Variants in APOBEC3G observed in about 807,000 individuals in gnomAD.
APOBEC3G encodes the protein apolipoprotein B mRNA editing enzyme catalytic subunit 3G, also known as DNA dC->dU-editing enzyme APOBEC-3G.
APOBEC3G carries 44 observed loss-of-function variants against 50.0 expected under a neutral mutation model. That is an observed-to-expected ratio of 0.88 (90% CI 0.69 to 1.13). The LOEUF is 1.13. APOBEC3G is among the 50% of genes most tolerant of loss of function. The pLI, the probability that APOBEC3G is intolerant of heterozygous loss-of-function variation, is 0.00. For missense variants in APOBEC3G, 469 were observed against 492.0 expected (o/e 0.95, Z 0.44); for synonymous variants, 156 against 175.3 (o/e 0.89, Z 0.87).
chr22:39,086,617 G>T (rs976609076), intron 6 of APOBEC3G, 50 bp downstream of exon 6: 1 of 1,534,482 alleles, frequency 6.5e-7, no homozygotes, highest in African/African-American at 1.4e-5. Flanking sequence ...GCAGGAGAGG[G>T]CCCCGGGAAG....
At position 39,081,007 on chromosome 22, in the gene APOBEC3G, T is replaced by C. The variant is rs763628788; in HGVS notation, c.246T>C (p.Arg82=). ...HWFSKWRKLH[R]DQEYEVTWYI... is the part of the protein sequence containing the mutation. ...TCAGCAAGTGGAGGAAGCTGCATCG[T>C]GACCAGGAGTATGAGGTCACCTGGT... The change falls in exon 3 of 8, where the codon CGT becomes CGC. Residue 82 remains arginine (R), a synonymous_variant. Transcript: ENST00000407997. 34 of 1,614,036 alleles carry C rather than the reference T, an allele frequency of 2.1e-5. 1 individual carries two copies. The highest frequency in any genetic ancestry group is 1.9e-4 in the African/African-American group (14 of 74,914).
At position 39,080,959 on chromosome 22, in the gene APOBEC3G, A is replaced by G. The variant is rs780221227; in HGVS notation, c.198A>G (p.Pro66=). The G allele has an allele frequency of 3.7e-6, 6 of 1,604,592 alleles. No individual in the cohort carries two copies. In the Admixed American group the frequency reaches 1.0e-4, roughly 27 times the overall value. Reference sequence around the variant, plus strand: ...TGTATTCCGAACTTAAGTACCACCCAGAGATGAGATTCTTCCACTGGTTCA... The same window carrying G: ...TGTATTCCGAACTTAAGTACCACCCGGAGATGAGATTCTTCCACTGGTTCA... ...GQVYSELKYH[P]EMRFFHWFSK... is the part of the protein sequence containing the mutation. Residue 66 remains proline (P), a synonymous_variant, in exon 3 of 8, where the codon CCA becomes CCG. Transcript: ENST00000407997.
At chr22:39,077,533 C>T (rs1489580521) in intron 1 of APOBEC3G, among the ~76,000 whole-genome samples, 155 bp downstream of exon 1, 3 of 152,162 alleles carry the variant, frequency 2.0e-5, no homozygotes, top group Non-Finnish European at 4.4e-5. Context: ...AGCCAGGCTC[C>T]TTGCCCTGCT....
chr22:39,087,645 T>G lies in APOBEC3G; in HGVS notation c.*224T>G. ...TTTCAAGAATAAAGTACTAAGATTG[T>G]GCTCAATACACAGAAAAGTTTCAAA... On this transcript the variant is annotated 3_prime_UTR_variant, in exon 8 of 8. Transcript: ENST00000407997. 10 of 899,970 alleles carry G rather than the reference T, an allele frequency of 1.1e-5. No homozygotes were observed. Among genetic ancestry groups the G allele is most frequent in the Non-Finnish European group, 1.6e-5 (10 of 613,166 alleles). The allele number at this position is 899,970 out of a possible 1,614,324, so 55.7% of individuals were successfully genotyped here. A position where few individuals can be genotyped will look rare whatever the true frequency, so the allele number is the denominator to read the frequency against.
rs1192006831 is a variant in APOBEC3G, at chr22:39,077,336, T to C, written c.-26T>C. On this transcript the variant is annotated 5_prime_UTR_variant, in exon 1 of 8. Coordinates refer to ENST00000407997, the MANE Select transcript of APOBEC3G (RefSeq NM_021822.4). ...GAAACCCTGGTGCTCCAGACAAAGA[T>C]CTTAGTCGGGACTAGCCGGCCAAGG... 2 of 1,570,070 alleles carry C rather than the reference T, an allele frequency of 1.3e-6. No individual in the cohort carries two copies. The highest frequency in any genetic ancestry group is 1.7e-6 in the Non-Finnish European group (2 of 1,156,920).
At position 39,086,485 on chromosome 22, in the gene APOBEC3G, C is replaced by CT; in HGVS notation, c.943dup (p.Tyr315LeufsTer2). ...GCCTGTGCATCTTCACTGCCCGCATCTATGATGATCAAGGAAGATGTCAGG... is the reference window on the plus strand; with the variant it reads ...GCCTGTGCATCTTCACTGCCCGCATCTTATGATGATCAAGGAAGATGTCAGG... On this transcript the variant is annotated frameshift_variant, in exon 6 of 8. Coordinates refer to ENST00000407997, the MANE Select transcript of APOBEC3G (RefSeq NM_021822.4). LOFTEE classifies it high-confidence loss of function. 2 of 1,614,136 alleles carry CT rather than the reference C, an allele frequency of 1.2e-6. No individual in the cohort carries two copies. Among genetic ancestry groups the CT allele is most frequent in the Non-Finnish European group, 1.7e-6 (2 of 1,180,010 alleles).
At chr22:39,080,556 A>G in intron 2 of APOBEC3G, 1 of 216,232 alleles carries the variant, frequency 4.6e-6, no homozygotes, top group Non-Finnish European at 9.3e-6. Flanking sequence ...ATGTCGAGTC[A>G]CTGCTGCTCC....
intron 3 of APOBEC3G, 22 bp from the exon 4 acceptor site, chr22:39,081,449 C>T (rs374089629): frequency 1.9e-5 from 31 of 1,607,138 alleles, no homozygotes; most frequent in Middle Eastern, 3.3e-4. Context: ...GGCTTGACTG[C>T]GTTCTCTCTT....
chr22:39,079,997 T>C (rs908205275), intron 2 of APOBEC3G: 2 of 158,172 alleles, frequency 1.3e-5, no homozygotes, highest in South Asian at 2.1e-4. Flanking sequence ...TGAGCCAAGA[T>C]TGCATCCTTG....
intron 3 of APOBEC3G, 56 bp downstream of exon 3, chr22:39,081,283 G>C: frequency 6.3e-6 from 10 of 1,587,384 alleles, no homozygotes; most frequent in Non-Finnish European, 8.6e-6. Context: ...TCTGTGATGG[G>C]TCCTTCCCAC....
intron 5 of APOBEC3G, among the ~76,000 whole-genome samples, chr22:39,086,062 TG>T (rs755045103): frequency 1.3e-5 from 2 of 152,020 alleles, no homozygotes; most frequent in African/African-American, 2.4e-5. Flanking sequence ...CCCAGCACTT[TG>T]GGAGGCTGAG....
intron 1 of APOBEC3G, among the ~76,000 whole-genome samples, chr22:39,077,686 C>T (rs900060440): frequency 3.7e-4 from 57 of 152,230 alleles, no homozygotes; most frequent in African/African-American, 1.3e-3. Context: ...GTGTGCTTCC[C>T]GCCATTCCTG....
rs1369250240 is a variant in APOBEC3G at position 39,077,471 on chromosome 22, A to C, written c.17+93A>C. 9 of 1,542,770 alleles carry C rather than the reference A, an allele frequency of 5.8e-6. No individual in the cohort carries two copies. In the African/African-American group the frequency reaches 1.1e-4, roughly 19 times the overall value. On this transcript the variant is annotated intron_variant, in intron 1 of 7. Coordinates refer to ENST00000407997, the MANE Select transcript of APOBEC3G (RefSeq NM_021822.4). ...GTCAGCCCTGGCCTTCCCCTGCCCC[A>C]GCCCCAGCCCTGGGCTCCCTCCCCT...
chr22:39,087,160 C>A (rs201660527), intron 7 of APOBEC3G, 34 bp downstream of exon 7: 1 of 1,613,424 alleles, frequency 6.2e-7, no homozygotes, highest in Non-Finnish European at 8.5e-7. Context: ...AGTGCCCCAT[C>A]GGCCTCCCCC....
rs1928752500 is a variant in APOBEC3G, at chr22:39,087,518, A to G, written c.*97A>G. Reference sequence around the variant, plus strand: ...AAATGCAAACAGGCTGTTCACCACCATCTCCAGCTGATCACAGACACCAGC... The same window carrying G: ...AAATGCAAACAGGCTGTTCACCACCGTCTCCAGCTGATCACAGACACCAGC... On this transcript the variant is annotated 3_prime_UTR_variant, in exon 8 of 8. Coordinates refer to ENST00000407997, the MANE Select transcript of APOBEC3G (RefSeq NM_021822.4). 3 of 1,607,146 alleles carry G rather than the reference A, an allele frequency of 1.9e-6. No individual in the cohort carries two copies. The highest frequency in any genetic ancestry group is 2.6e-6 in the Non-Finnish European group (3 of 1,174,014).
At position 39,078,981 on chromosome 22, in the gene APOBEC3G, A is replaced by G. The variant is rs552193530; in HGVS notation, c.67A>G (p.Asn23Asp). 11 of 1,614,132 alleles carry G rather than the reference A, an allele frequency of 6.8e-6. No individual in the cohort carries two copies. In the African/African-American group the frequency reaches 1.5e-4, roughly 22 times the overall value. ...AGACACATTCTCCTACAACTTTTAT[A>G]ATAGACCCATCCTTTCTCGTCGGAA... ...YRDTFSYNFY[N>D]RPILSRRNTV... Residue 23 changes from asparagine (N) to aspartate (D), a missense_variant, in exon 2 of 8, where the codon AAT (asparagine) becomes GAT (aspartate). Physicochemically the swap from Asn to Asp is conservative, Grantham distance 23. Transcript: ENST00000407997.
intron 1 of APOBEC3G, 51 bp from the exon 2 acceptor site, chr22:39,078,881 G>A (rs1483988567): frequency 1.2e-6 from 2 of 1,606,396 alleles, no homozygotes; most frequent in Admixed American, 3.4e-5. Context: ...CAGCCCGGAG[G>A]GCCCCCAGGA....
intron 2 of APOBEC3G, 49 bp from the exon 3 acceptor site, chr22:39,080,881 TCTC>T: frequency 8.8e-7 from 1 of 1,140,888 alleles, no homozygotes; most frequent in South Asian, 1.4e-5. Flanking sequence ...CCACCCCTGC[TCTC>T]CTCCTGCTCC....
intron 1 of APOBEC3G, among the ~76,000 whole-genome samples, chr22:39,077,638 T>A (rs915802549): frequency 1.1e-4 from 17 of 151,724 alleles, no homozygotes; most frequent in Admixed American, 4.6e-4. Flanking sequence ...AAGTCATGGC[T>A]GGGGTGGTGC....
Sources: allele counts gnomAD v4.1 joint callset (sites outside exome capture counted in the v4.1 genomes callset), GRCh38; gene constraint gnomAD v4.1.1; transcripts MANE v1.5; gene names NCBI Gene and HGNC (gene_info 2026-07-23, HGNC 2026-07-21).